NUDCD1: variants seen among roughly 807,000 people sequenced by gnomAD.
NUDCD1 encodes NudC domain containing 1, also known as nudC domain-containing protein 1.
In NUDCD1, 60 loss-of-function variants were observed where a neutral mutation model predicts 67.8. The observed-to-expected ratio is 0.88, with a 90% CI of 0.72 to 1.10. The LOEUF is 1.10. NUDCD1 is among the 50% of genes least tolerant of loss of function. NUDCD1 has a pLI of 0.00. For synonymous variants in NUDCD1, 244 were observed against 230.8 expected (o/e 1.06, Z -0.52); for missense variants, 643 against 695.0 (o/e 0.93, Z 0.84).
At chr8:109,316,871 A>G (rs1043429252) in intron 2 of NUDCD1, among the ~76,000 whole-genome samples, 7 of 152,172 alleles carry the variant, frequency 4.6e-5, no homozygotes, top group Non-Finnish European at 8.8e-5. Context: ...GTTTTGATCA[A>G]TTACTCCACA....
At chr8:109,332,827 A>C (rs59909631) in intron 1 of NUDCD1, among the ~76,000 whole-genome samples, 6,748 of 152,294 alleles carry the variant, frequency 0.044, 519 homozygotes, top group African/African-American at 0.15. Flanking sequence ...CTCTCATCCT[A>C]GTCAACTCTT....
At chr8:109,263,833 A>C (rs1813926644) in intron 8 of NUDCD1, among the ~76,000 whole-genome samples, 1 of 152,278 alleles carries the variant, frequency 6.6e-6, no homozygotes, top group Non-Finnish European at 1.5e-5. Context: ...TATGGATGGT[A>C]CAAAAGGAAA....
intron 8 of NUDCD1, among the ~76,000 whole-genome samples, chr8:109,264,470 T>A (rs1813946313): frequency 6.6e-6 from 1 of 152,194 alleles, no homozygotes; most frequent in Non-Finnish European, 1.5e-5. Context: ...ATGAAATAGA[T>A]TAGCATTTGG....
intron 7 of NUDCD1, 55 bp from the exon 8 acceptor site, chr8:109,271,185 G>T: frequency 2.4e-6 from 3 of 1,236,398 alleles, no homozygotes; most frequent in Non-Finnish European, 1.1e-6. Flanking sequence ...CAAGGGAATG[G>T]GTTTCTTCAT....
intron 4 of NUDCD1, among the ~76,000 whole-genome samples, chr8:109,291,849 T>C (rs1402752186): frequency 2.0e-5 from 3 of 151,912 alleles, no homozygotes; most frequent in South Asian, 2.1e-4. Flanking sequence ...TTACCACAGA[T>C]TGAGAAAAAG....
intron 2 of NUDCD1, among the ~76,000 whole-genome samples, chr8:109,303,121 G>A (rs536846015): frequency 7.9e-5 from 12 of 152,286 alleles, no homozygotes; most frequent in East Asian, 5.8e-4. Context: ...AGGAAAGCCC[G>A]CAGCCTGGGA....
At chr8:109,308,093 T>TG (rs1815154591) in intron 2 of NUDCD1, among the ~76,000 whole-genome samples, 2 of 152,120 alleles carry the variant, frequency 1.3e-5, no homozygotes, top group African/African-American at 4.8e-5. Context: ...AAAGAAACAA[T>TG]GGATTTAAAC....
intron 8 of NUDCD1, among the ~76,000 whole-genome samples, chr8:109,270,024 T>C (rs1378527688): frequency 1.6e-5 from 2 of 121,432 alleles, no homozygotes; most frequent in Non-Finnish European, 3.2e-5. Context: ...AATACAAATC[T>C]GTCAAAGCTT....
intron 8 of NUDCD1, among the ~76,000 whole-genome samples, chr8:109,253,170 G>T (rs951900417): frequency 1.3e-5 from 2 of 152,158 alleles, no homozygotes; most frequent in African/African-American, 4.8e-5. Flanking sequence ...ATACTGAATG[G>T]TGGTTAGCCA....
intron 5 of NUDCD1, among the ~76,000 whole-genome samples, chr8:109,284,450 C>G (rs1354306139): frequency 6.6e-6 from 1 of 152,032 alleles, no homozygotes; most frequent in East Asian, 1.9e-4. Flanking sequence ...CTACAGAATA[C>G]CCCACCCATC....
At chr8:109,330,551 A>C (rs746883494) in intron 1 of NUDCD1, among the ~76,000 whole-genome samples, 1 of 152,196 alleles carries the variant, frequency 6.6e-6, no homozygotes, top group Non-Finnish European at 1.5e-5. Flanking sequence ...TCATCATGTG[A>C]ACTATTGCAA....
chr8:109,318,522 T>G (rs1000764369), intron 2 of NUDCD1, among the ~76,000 whole-genome samples: 5 of 152,238 alleles, frequency 3.3e-5, no homozygotes, highest in African/African-American at 1.2e-4. Context: ...TCACTTTAGT[T>G]GGCTTATACA....
chr8:109,314,251 T>C (rs150452705), intron 2 of NUDCD1, among the ~76,000 whole-genome samples: 6 of 152,310 alleles, frequency 3.9e-5, no homozygotes, highest in African/African-American at 1.4e-4. Context: ...CTGAAAATCA[T>C]TCTAAGGCAA....
chr8:109,287,482 T>C (rs571019160), intron 5 of NUDCD1, among the ~76,000 whole-genome samples: 1 of 152,148 alleles, frequency 6.6e-6, no homozygotes, highest in Admixed American at 6.5e-5. Flanking sequence ...AATCATGTCC[T>C]TTGCAGCAAC....
chr8:109,286,871 C>A (rs1363455981), intron 5 of NUDCD1, among the ~76,000 whole-genome samples: 3 of 152,034 alleles, frequency 2.0e-5, no homozygotes, highest in African/African-American at 7.2e-5. Context: ...ACTACGCACC[C>A]AACAGAAGTC....
intron 1 of NUDCD1, chr8:109,329,994 G>A: frequency 8.9e-7 from 1 of 1,128,712 alleles, no homozygotes; most frequent in Non-Finnish European, 1.1e-6. Context: ...AGTCAAGAAA[G>A]GAATCCCTGA....
At chr8:109,289,242 TG>T (rs1814646268) in intron 5 of NUDCD1, among the ~76,000 whole-genome samples, 1 of 152,158 alleles carries the variant, frequency 6.6e-6, no homozygotes, top group Non-Finnish European at 1.5e-5. Context: ...CCCAAAGTGC[TG>T]GGATTACAGG....
intron 5 of NUDCD1, among the ~76,000 whole-genome samples, chr8:109,281,475 C>G (rs1295461087): frequency 6.6e-6 from 1 of 152,062 alleles, no homozygotes; most frequent in Admixed American, 6.6e-5. Flanking sequence ...CCCTCTTTCA[C>G]TCCTTCTTTC....
intron 8 of NUDCD1, among the ~76,000 whole-genome samples, chr8:109,266,190 T>C (rs957257041): frequency 6.6e-6 from 1 of 151,630 alleles, no homozygotes; most frequent in Non-Finnish European, 1.5e-5. Context: ...CAAATGATTA[T>C]CATTTCAACA....
Sources: gnomAD v4.1 joint callset for allele counts (sites outside exome capture counted in the v4.1 genomes callset) on GRCh38, gnomAD v4.1.1 for gene constraint, MANE v1.5 for transcripts, NCBI Gene and HGNC (gene_info 2026-07-23, HGNC 2026-07-21) for gene names.